CNIH3: variants seen among roughly 807,000 people sequenced by gnomAD.
The protein encoded by CNIH3 is protein cornichon homolog 3.
Under a neutral mutation model 24.1 loss-of-function variants are expected in CNIH3, and 14 were observed. The observed-to-expected ratio is 0.58, with a 90% CI of 0.38 to 0.91. CNIH3 has a LOEUF of 0.91. Ranked by LOEUF, CNIH3 falls within the 40% of genes least tolerant of loss-of-function variation. CNIH3 has a pLI of 0.00. For synonymous variants in CNIH3, 68 were observed against 73.8 expected (o/e 0.92, Z 0.40); for missense variants, 178 against 196.8 (o/e 0.90, Z 0.57).
chr1:224,549,129 C>T (rs1325606773), intron 3 of CNIH3, among the ~76,000 whole-genome samples: 1 of 151,818 alleles, frequency 6.6e-6, no homozygotes, highest in Non-Finnish European at 1.5e-5. Context: ...ATTTCATTTA[C>T]ATCACAGTGT....
intron 3 of CNIH3, among the ~76,000 whole-genome samples, chr1:224,562,752 C>A (rs1039239155): frequency 6.6e-6 from 1 of 152,026 alleles, no homozygotes; most frequent in African/African-American, 2.4e-5. Flanking sequence ...TCTCTCTTGC[C>A]CCGTCCCTCA....
chr1:224,466,818 T>G (rs1676169404), intron 1 of CNIH3, among the ~76,000 whole-genome samples: 1 of 152,210 alleles, frequency 6.6e-6, no homozygotes, highest in Non-Finnish European at 1.5e-5. Flanking sequence ...TGCATTGTGG[T>G]TTTAATTTAG....
chr1:224,586,296 G>C (rs149118718), intron 5 of CNIH3, among the ~76,000 whole-genome samples: 3,677 of 152,316 alleles, frequency 0.024, 129 homozygotes, highest in African/African-American at 0.08. Context: ...ATGTGGCTGG[G>C]GAGGCCTCAC....
chr1:224,734,512 AC>A, intron 4 of CNIH3, 50 bp from the exon 5 acceptor site: 1 of 1,598,026 alleles, frequency 6.3e-7, no homozygotes, highest in Non-Finnish European at 8.6e-7. Context: ...TGCCCAGGTT[AC>A]GCCAGAAGTA....
In CNIH3 at chr1:224,553,742, C is replaced by T. The variant is rs534379842; in HGVS notation, n.450+6803C>T. On this transcript the variant is annotated intron_variant and non_coding_transcript_variant, in intron 3 of 5. Coordinates refer to the CNIH3 transcript ENST00000471578. The stretch of plus-strand genomic sequence containing the variant: ...AAGAGTGGAATTTGGGTTTTTCTTT[C>T]TTTCTTTTTTTTTTTTAATACAAGT... Among the ~76,000 whole-genome samples the T allele has an allele frequency of 4.3e-5, 6 of 139,884 alleles. No individual in the cohort carries two copies. In the East Asian group the frequency reaches 1.3e-3, roughly 30 times the overall value. The allele number at this position is 139,884 out of a possible 152,430, so 91.8% of individuals were successfully genotyped here.
chr1:224,739,268 T>A, intron 5 of CNIH3, 61 bp from the exon 6 acceptor site: 1 of 1,542,318 alleles, frequency 6.5e-7, no homozygotes, highest in Non-Finnish European at 8.8e-7. Flanking sequence ...CTGAGTCCTC[T>A]GTGGGCTTCT....
intron 3 of CNIH3, among the ~76,000 whole-genome samples, chr1:224,559,696 T>TA (rs1220781651): frequency 2.6e-5 from 4 of 152,208 alleles, no homozygotes; most frequent in Non-Finnish European, 4.4e-5. Flanking sequence ...GAATTCCTTT[T>TA]AAAAAACATT....
intron 1 of CNIH3, among the ~76,000 whole-genome samples, chr1:224,500,229 T>C (rs1341792108): frequency 6.6e-6 from 1 of 151,458 alleles, no homozygotes; most frequent in African/African-American, 2.4e-5. Flanking sequence ...CAGACTGGTC[T>C]CTTGAACTCC....
rs577946938 is a variant in CNIH3, at chr1:224,450,802, A to G, written n.203+15940A>G. ...CCCCCTCCACATTTCACTTGGAGCC[A>G]TGCGGTCTGTGTCAAGATGGCCTGT... On this transcript the variant is annotated intron_variant and non_coding_transcript_variant, in intron 1 of 5. Transcript: ENST00000471578. 3.7e-4 allele frequency among the ~76,000 whole-genome samples: 56 copies of G among 152,352 alleles called. 1 individual carries two copies. The South Asian group carries it at 0.011, about 30-fold the overall frequency.
intron 1 of CNIH3, among the ~76,000 whole-genome samples, chr1:224,472,996 G>C (rs374803447): frequency 3.9e-5 from 6 of 152,234 alleles, no homozygotes; most frequent in East Asian, 1.9e-4. Context: ...ACCCAGAGCT[G>C]CTTATCTCTC....
intron 3 of CNIH3, among the ~76,000 whole-genome samples, chr1:224,695,357 A>AAC (rs56245587): frequency 0.026 from 3,723 of 145,796 alleles, 50 homozygotes; most frequent in African/African-American, 0.034. Flanking sequence ...TCTCTTTCTA[A>AAC]ACACACACAC....
At position 224,459,312 on chromosome 1, in the gene CNIH3, T is replaced by C. The variant is rs183309880; in HGVS notation, n.203+24450T>C. On this transcript the variant is annotated intron_variant and non_coding_transcript_variant, in intron 1 of 5. Transcript: ENST00000471578. ...GCTGCCAAAACAGTTCCTGACTGTT[T>C]ATTCCGGGTCTTTAACAAAGTGATG... The C allele has an allele frequency of 3.4e-4, 236 of 697,930 alleles. 1 individual carries two copies. Among genetic ancestry groups the C allele is most frequent in the Admixed American group, 6.3e-4 (10 of 15,910 alleles). The allele number at this position is 697,930 out of a possible 1,614,324, so 43.2% of individuals were successfully genotyped here.
In CNIH3 at chr1:224,546,130, A is replaced by C. The variant is rs372034695; in HGVS notation, n.340-699A>C. ...GATACATTCTGAGTTACTTGGGATT[A>C]GGACTTCCAACACATGAATTTTAAG... On this transcript the variant is annotated intron_variant and non_coding_transcript_variant, in intron 2 of 5. Transcript: ENST00000471578. Among the ~76,000 whole-genome samples the C allele has an allele frequency of 1.1e-4, 17 of 152,322 alleles. No individual in the cohort carries two copies. The East Asian group carries it at 2.1e-3, about 19-fold the overall frequency.
At chr1:224,502,868 A>G (rs920900161) in intron 1 of CNIH3, among the ~76,000 whole-genome samples, 3 of 152,206 alleles carry the variant, frequency 2.0e-5, no homozygotes, top group African/African-American at 7.2e-5. Flanking sequence ...GCCCAGAGAC[A>G]TAAAAGGTGG....
In CNIH3 at chr1:224,617,146, G is replaced by C; in HGVS notation, c.-29G>C. The C allele has an allele frequency of 1.2e-6, 2 of 1,612,214 alleles. No individual in the cohort carries two copies. Among genetic ancestry groups the C allele is most frequent in the Non-Finnish European group, 1.7e-6 (2 of 1,179,146 alleles). ...ATCGGGCTCCTAGGGGCTTCTTGGC[G>C]TGTGTGGTGGGATTGGGGTCCGCCG... On this transcript the variant is annotated 5_prime_UTR_variant, in exon 1 of 6. Transcript: ENST00000272133.
At chr1:224,650,103 A>G (rs1316921765) in intron 1 of CNIH3, among the ~76,000 whole-genome samples, 1 of 152,162 alleles carries the variant, frequency 6.6e-6, no homozygotes, top group Non-Finnish European at 1.5e-5. Context: ...GCAAGAGCTG[A>G]AGTTCTGCAT....
chr1:224,467,808 A>G (rs1239978566), intron 1 of CNIH3, among the ~76,000 whole-genome samples: 1 of 151,686 alleles, frequency 6.6e-6, no homozygotes, highest in Non-Finnish European at 1.5e-5. Flanking sequence ...TTTTTTTCCA[A>G]AAGTTTCATA....
downstream of CNIH3, among the ~76,000 whole-genome samples, chr1:224,538,370 G>C (rs16849317): frequency 0.014 from 2,110 of 152,242 alleles, 47 homozygotes; most frequent in African/African-American, 0.048. Context: ...CACCATAACT[G>C]TCTGACCAAG....
intron 2 of CNIH3, among the ~76,000 whole-genome samples, chr1:224,543,133 C>T (rs994916443): frequency 1.3e-5 from 2 of 152,118 alleles, no homozygotes; most frequent in African/African-American, 2.4e-5. Flanking sequence ...TGAGTCTAAT[C>T]ATGTGGGCCA....
Sources: allele counts gnomAD v4.1 joint callset (sites outside exome capture counted in the v4.1 genomes callset), GRCh38; gene constraint gnomAD v4.1.1; transcripts MANE v1.5; gene names NCBI Gene and HGNC (gene_info 2026-07-23, HGNC 2026-07-21).